The following PPP1R12B variants were observed in gnomAD, a reference collection of about 807,000 sequenced individuals.
The protein encoded by PPP1R12B is protein phosphatase 1 regulatory subunit 12B, also known as myosin phosphatase target subunit 2.
A neutral mutation model predicts 126.1 loss-of-function variants in PPP1R12B; 76 were observed. The ratio of observed to expected loss-of-function variants is 0.60; its 90% CI spans 0.50 to 0.73. PPP1R12B has a LOEUF of 0.73. Ranked by LOEUF, PPP1R12B falls within the 30% of genes least tolerant of loss-of-function variation. The pLI is 0.00. For missense variants in PPP1R12B, 1,052 were observed against 1,205.1 expected (o/e 0.87, Z 1.88); for synonymous variants, 356 against 434.7 (o/e 0.82, Z 2.25).
chr1:202,352,945 G>C (rs904680637), intron 1 of PPP1R12B, among the ~76,000 whole-genome samples: 26 of 152,104 alleles, frequency 1.7e-4, no homozygotes, highest in Non-Finnish European at 3.5e-4. Context: ...GTCCAAATTT[G>C]GACCCTCAAG....
chr1:202,588,823 TAAGATAGATAGA>T lies in PPP1R12B; in HGVS notation c.*8264_*8275del, dbSNP rs1302838691. 1 of 87,876 alleles carries T rather than the reference TAAGATAGATAGA, an allele frequency of 1.1e-5. No individual in the cohort carries two copies. Among genetic ancestry groups the T allele is most frequent in the East Asian group, 4.1e-4 (1 of 2,434 alleles). The allele number at this position is 87,876 out of a possible 1,614,324, so 5.4% of individuals were successfully genotyped here. A position where few individuals can be genotyped will look rare whatever the true frequency, so the allele number is the denominator to read the frequency against. ...CCTAGATTGGCGTTCAAAAGAACCGTAAGATAGATAGATAGATAGATAGATAGATAGATAGAT... is the reference window on the plus strand; with the variant it reads ...CCTAGATTGGCGTTCAAAAGAACCGTTAGATAGATAGATAGATAGATAGAT... On this transcript the variant is annotated 3_prime_UTR_variant, in exon 24 of 24. Coordinates refer to ENST00000608999, the MANE Select transcript of PPP1R12B (RefSeq NM_002481.4).
intron 12 of PPP1R12B, chr1:202,445,159 A>G: frequency 2.4e-6 from 3 of 1,246,754 alleles, no homozygotes; most frequent in Non-Finnish European, 3.0e-6. Context: ...CGGGGCAGCC[A>G]GTGGCAACCT....
chr1:202,531,945 G>A (rs890379298), intron 18 of PPP1R12B, among the ~76,000 whole-genome samples: 31 of 152,212 alleles, frequency 2.0e-4, no homozygotes, highest in African/African-American at 7.2e-4. Flanking sequence ...ACAGTAAAGT[G>A]AAAGCAAGTT....
chr1:202,513,539 T>C (rs2148899288), intron 18 of PPP1R12B, among the ~76,000 whole-genome samples: 1 of 152,306 alleles, frequency 6.6e-6, no homozygotes, highest in East Asian at 1.9e-4. Context: ...GTATGAAGTA[T>C]AGGGAAGTTC....
At chr1:202,473,381 G>A (rs1414098556) in intron 13 of PPP1R12B, among the ~76,000 whole-genome samples, 1 of 152,194 alleles carries the variant, frequency 6.6e-6, no homozygotes, top group African/African-American at 2.4e-5. Context: ...ATTTCTGTGT[G>A]TCAGGTGTTC....
At position 202,419,756 on chromosome 1, in the gene PPP1R12B, TGAGG is replaced by T. The variant is rs1323339508; in HGVS notation, c.422+2840_422+2843del. ...TCAGATGTCATGGCGATGATAGTAA[TGAGG>T]AAGACCCAGTTGTTGCTATTAACCA... On this transcript the variant is annotated intron_variant, in intron 2 of 23. Transcript: ENST00000608999. The surrounding 1 kb of genome is among the most constrained non-coding windows in gnomAD (Gnocchi z 4.6). Among the ~76,000 whole-genome samples the T allele has an allele frequency of 6.6e-6, 1 of 152,138 alleles. No homozygotes were observed. The highest frequency in any genetic ancestry group is 2.4e-5 in the African/African-American group (1 of 41,422).
At chr1:202,437,572 C>T (rs546700635) in intron 9 of PPP1R12B, among the ~76,000 whole-genome samples, 87 of 152,152 alleles carry the variant, frequency 5.7e-4, no homozygotes, top group African/African-American at 1.9e-3. Context: ...TCAGAACAAC[C>T]CTGTCAGGTA....
chr1:202,481,067 C>G (rs1170618972), intron 13 of PPP1R12B, among the ~76,000 whole-genome samples: 2 of 152,192 alleles, frequency 1.3e-5, no homozygotes, highest in Non-Finnish European at 2.9e-5. Context: ...CATGCACAAC[C>G]TAGATTCCTG....
intron 1 of PPP1R12B, among the ~76,000 whole-genome samples, chr1:202,360,309 T>G (rs1431477634): frequency 6.6e-6 from 1 of 152,210 alleles, no homozygotes; most frequent in Non-Finnish European, 1.5e-5. Context: ...AAGCCAGTCT[T>G]GACTAGACCT....
chr1:202,548,805 TC>T (rs1308402792), intron 18 of PPP1R12B, among the ~76,000 whole-genome samples: 1 of 63,462 alleles, frequency 1.6e-5, no homozygotes, highest in East Asian at 7.7e-4. Flanking sequence ...TCTCTCTCTC[TC>T]TCTATATATA....
chr1:202,402,178 T>C (rs1243307724), intron 1 of PPP1R12B, among the ~76,000 whole-genome samples: 1 of 152,248 alleles, frequency 6.6e-6, no homozygotes. Context: ...GGTTTTTACC[T>C]GTCCATATTC....
intron 18 of PPP1R12B, among the ~76,000 whole-genome samples, chr1:202,556,131 C>T (rs1012582049): frequency 1.6e-4 from 24 of 152,174 alleles, no homozygotes; most frequent in African/African-American, 5.8e-4. Context: ...CTGCCTCAGC[C>T]TCCCAAGCTG....
chr1:202,486,145 G>C (rs1467075469), intron 13 of PPP1R12B, among the ~76,000 whole-genome samples: 1 of 152,128 alleles, frequency 6.6e-6, no homozygotes, highest in Non-Finnish European at 1.5e-5. Context: ...GCCTCCCAAA[G>C]TGTTGGGATT....
At chr1:202,549,662 C>T (rs368820928) in intron 18 of PPP1R12B, among the ~76,000 whole-genome samples, 19 of 152,136 alleles carry the variant, frequency 1.2e-4, no homozygotes, top group African/African-American at 4.3e-4. Context: ...TCATGATCCA[C>T]CCGCCTCGGC....
chr1:202,495,379 C>T lies in PPP1R12B; in HGVS notation c.2232C>T (p.Tyr744=), dbSNP rs768218241. The change falls in exon 16 of 24, where the codon TAC becomes TAT. Residue 744 remains tyrosine (Y), a synonymous_variant. Transcript: ENST00000608999. ...ASPSTSRPSL[Y]TSSHLLWTNR... The stretch of plus-strand genomic sequence containing the variant: ...CTTCTACGTCAAGACCCTCACTCTA[C>T]ACCAGTTCCCACCTGCTATGGACAA... The T allele has an allele frequency of 6.8e-6, 11 of 1,610,982 alleles. No homozygotes were observed. Among genetic ancestry groups the T allele is most frequent in the Non-Finnish European group, 9.3e-6 (11 of 1,178,048 alleles).
At chr1:202,410,145 T>C (rs562356268) in intron 1 of PPP1R12B, 4 of 152,354 alleles carry the variant, frequency 2.6e-5, no homozygotes, top group East Asian at 1.9e-4. Context: ...CTTGTCATCC[T>C]TATGTAGGGG....
intron 13 of PPP1R12B, among the ~76,000 whole-genome samples, chr1:202,476,231 C>T (rs1443555698): frequency 6.7e-6 from 1 of 149,564 alleles, no homozygotes; most frequent in East Asian, 2.0e-4. Context: ...AGATATAGTT[C>T]AATGAATAAT....
chr1:202,422,174 G>C (rs556487806), intron 2 of PPP1R12B, among the ~76,000 whole-genome samples: 2 of 152,302 alleles, frequency 1.3e-5, no homozygotes, highest in East Asian at 3.9e-4. Context: ...GATTTCATGT[G>C]GATGTCTGGT....
chr1:202,467,256 G>C (rs1475686774), intron 13 of PPP1R12B, among the ~76,000 whole-genome samples: 3 of 150,922 alleles, frequency 2.0e-5, no homozygotes. Flanking sequence ...TAAGTTTTAG[G>C]GTACATGTGC....
Sources: gnomAD v4.1 joint callset for allele counts (sites outside exome capture counted in the v4.1 genomes callset) on GRCh38, gnomAD v4.1.1 for gene constraint, Gnocchi (gnomAD v3.1) non-coding constraint, MANE v1.5 for transcripts, NCBI Gene and HGNC (gene_info 2026-07-23, HGNC 2026-07-21) for gene names.